The following UBE3C variants were observed in gnomAD, a reference collection of about 807,000 sequenced individuals.
UBE3C encodes ubiquitin protein ligase E3C.
UBE3C carries 42 observed loss-of-function variants against 129.4 expected under a neutral mutation model. The observed-to-expected ratio is 0.32, with a 90% CI of 0.25 to 0.42. The LOEUF (loss-of-function observed/expected upper bound fraction) is 0.42, where lower values mean the gene tolerates loss of function less well. Ranked by LOEUF, UBE3C falls within the 10% of genes least tolerant of loss-of-function variation. The pLI is 1.00. For missense variants in UBE3C, 1,049 were observed against 1,319.1 expected (o/e 0.80, Z 3.17); for synonymous variants, 510 against 492.4 (o/e 1.04, Z -0.47).
At chr7:157,154,926 C>G (rs1807860467) in intron 1 of UBE3C, among the ~76,000 whole-genome samples, 2 of 152,180 alleles carry the variant, frequency 1.3e-5, no homozygotes, top group Admixed American at 6.5e-5. Context: ...CTACCCATCC[C>G]TTAGAAATGA....
At chr7:157,223,857 T>C (rs1457363298) in intron 16 of UBE3C, among the ~76,000 whole-genome samples, 1 of 152,070 alleles carries the variant, frequency 6.6e-6, no homozygotes, top group African/African-American at 2.4e-5. Flanking sequence ...GAGGCAGAGG[T>C]TGCAGTGAGC....
intron 4 of UBE3C, among the ~76,000 whole-genome samples, chr7:157,173,282 A>G (rs1001392943): frequency 6.6e-6 from 1 of 152,230 alleles, no homozygotes; most frequent in Admixed American, 6.5e-5. Flanking sequence ...AGGCTGAGGC[A>G]GGAGGATCGT....
intron 17 of UBE3C, among the ~76,000 whole-genome samples, chr7:157,226,821 A>G (rs1056095345): frequency 6.6e-6 from 1 of 151,534 alleles, no homozygotes; most frequent in Non-Finnish European, 1.5e-5. Flanking sequence ...TTAGGTCTGC[A>G]TGCAGGCTGT....
In UBE3C at chr7:157,223,256, G is replaced by C; in HGVS notation, c.2005G>C (p.Gly669Arg). ...IGPLQSTLDV[G>R]LESPPLSVSE... ...TAAGGTTTTAAAATGTGTTTTAGTGGGTTTGGAGTCCCCGCCGCTGTCTGT... is the reference window on the plus strand; with the variant it reads ...TAAGGTTTTAAAATGTGTTTTAGTGCGTTTGGAGTCCCCGCCGCTGTCTGT... The change falls in exon 16 of 23, where the codon GGT becomes CGT. Residue 669 changes from glycine (G) to arginine (R), a missense_variant and splice_region_variant. Coordinates refer to ENST00000348165, the MANE Select transcript of UBE3C (RefSeq NM_014671.3). 1 of 1,614,134 alleles carries C rather than the reference G, an allele frequency of 6.2e-7. No homozygotes were observed. The highest frequency in any genetic ancestry group is 1.6e-4 in the Middle Eastern group (1 of 6,062).
At chr7:157,248,784 A>G (rs1796545096) in intron 19 of UBE3C, among the ~76,000 whole-genome samples, 1 of 152,222 alleles carries the variant, frequency 6.6e-6, no homozygotes, top group African/African-American at 2.4e-5. Context: ...GCTCCCACGC[A>G]TGAAGCCTGT....
intron 18 of UBE3C, among the ~76,000 whole-genome samples, chr7:157,240,377 A>T (rs558711426): frequency 1.3e-5 from 2 of 152,200 alleles, no homozygotes; most frequent in African/African-American, 4.8e-5. Flanking sequence ...ATAGGCTTCA[A>T]TTAATAAGTG....
At chr7:157,235,649 T>C (rs1796134260) in intron 18 of UBE3C, among the ~76,000 whole-genome samples, 1 of 152,346 alleles carries the variant, frequency 6.6e-6, no homozygotes, top group African/African-American at 2.4e-5. Context: ...CTCCCACAAA[T>C]GAAGTTTATG....
chr7:157,201,332 TAAAA>T lies in UBE3C; in HGVS notation c.1332-387_1332-384del, dbSNP rs1351541202. ...GAGCAAGACCCTGTCTCAAAAAAAA[TAAAA>T]AGAAAAGTATAAGCAGTAATAACAA... is the stretch of plus-strand genomic sequence containing the variant. On this transcript the variant is annotated intron_variant, in intron 10 of 22. Coordinates refer to ENST00000348165, the MANE Select transcript of UBE3C (RefSeq NM_014671.3). 5.3e-5 allele frequency among the ~76,000 whole-genome samples: 8 copies of T among 151,972 alleles called. No individual in the cohort carries two copies. In the East Asian group the frequency reaches 1.5e-3, roughly 29 times the overall value.
chr7:157,165,146 G>A (rs1292316287), intron 2 of UBE3C, among the ~76,000 whole-genome samples: 1 of 152,106 alleles, frequency 6.6e-6, no homozygotes, highest in Non-Finnish European at 1.5e-5. Context: ...AAAGATATTT[G>A]TTGGTTGGTG....
intron 10 of UBE3C, among the ~76,000 whole-genome samples, chr7:157,197,148 A>G (rs895050959): frequency 6.6e-6 from 1 of 152,236 alleles, no homozygotes; most frequent in African/African-American, 2.4e-5. Flanking sequence ...AACAATTTCA[A>G]AATCAAACTA....
At chr7:157,197,964 C>G in intron 10 of UBE3C, 1 of 1,609,322 alleles carries the variant, frequency 6.2e-7, no homozygotes, top group Non-Finnish European at 8.5e-7. Context: ...AGCCTTGAAC[C>G]TCAATCTAGG....
At chr7:157,219,584 CA>C (rs1795680292) in intron 14 of UBE3C, among the ~76,000 whole-genome samples, 1 of 152,124 alleles carries the variant, frequency 6.6e-6, no homozygotes, top group Non-Finnish European at 1.5e-5. Flanking sequence ...GGAAATTTTA[CA>C]GGATGAAAGT....
intron 15 of UBE3C, chr7:157,222,296 GT>G (rs1328635364): frequency 6.6e-6 from 1 of 152,130 alleles, no homozygotes; most frequent in Non-Finnish European, 1.5e-5. Flanking sequence ...TTTCTTAGCA[GT>G]GTCTTTCAAG....
At chr7:157,247,362 T>C (rs564863691) in intron 18 of UBE3C, among the ~76,000 whole-genome samples, 5 of 152,314 alleles carry the variant, frequency 3.3e-5, no homozygotes, top group South Asian at 2.1e-4. Context: ...TAGTAAGTGC[T>C]CAAGGAATGG....
chr7:157,245,177 A>G (rs1337536779), intron 18 of UBE3C, among the ~76,000 whole-genome samples: 1 of 152,206 alleles, frequency 6.6e-6, no homozygotes, highest in Non-Finnish European at 1.5e-5. Flanking sequence ...AATGGTACCT[A>G]TGCATTTACA....
intron 3 of UBE3C, among the ~76,000 whole-genome samples, chr7:157,169,707 A>T (rs972606961): frequency 1.3e-5 from 2 of 150,894 alleles, no homozygotes; most frequent in African/African-American, 4.9e-5. Flanking sequence ...TTTTTGAGAG[A>T]GTCTTGCTCT....
At chr7:157,259,423 G>A (rs1796839880) in intron 22 of UBE3C, among the ~76,000 whole-genome samples, 1 of 152,188 alleles carries the variant, frequency 6.6e-6, no homozygotes, top group African/African-American at 2.4e-5. Flanking sequence ...TGTACAGATG[G>A]CAACATATTT....
rs1190665163 is a variant in UBE3C, at chr7:157,182,366, A to G, written c.991+38A>G. On this transcript the variant is annotated intron_variant, in intron 8 of 22. Transcript: ENST00000348165. ...AGATCTTTTTTACCTGAACACACAT[A>G]TGGGTAGCATTGGCAGATGAGTCAA... 6 of 1,592,436 alleles carry G rather than the reference A, an allele frequency of 3.8e-6. No individual in the cohort carries two copies. In the Admixed American group the frequency reaches 5.2e-5, roughly 14 times the overall value.
chr7:157,145,441 C>G (rs1807578461), intron 1 of UBE3C, among the ~76,000 whole-genome samples: 2 of 152,112 alleles, frequency 1.3e-5, no homozygotes, highest in South Asian at 4.1e-4. Flanking sequence ...TTGCTTGAAC[C>G]CGAGAGGCAG....
Sources: gnomAD v4.1 joint callset for allele counts (sites outside exome capture counted in the v4.1 genomes callset) on GRCh38, gnomAD v4.1.1 for gene constraint, MANE v1.5 for transcripts, NCBI Gene and HGNC (gene_info 2026-07-23, HGNC 2026-07-21) for gene names.